ST6GALNAC5: variants seen among roughly 807,000 people sequenced by gnomAD.
ST6GALNAC5 encodes ST6 N-acetylgalactosaminide alpha-2,6-sialyltransferase 5, also known as alpha-N-acetylgalactosaminide alpha-2,6-sialyltransferase 5.
A neutral mutation model predicts 33.6 loss-of-function variants in ST6GALNAC5; 27 were observed. The ratio of observed to expected loss-of-function variants is 0.80; its 90% confidence interval spans 0.59 to 1.11. The LOEUF is 1.11. ST6GALNAC5 is among the 50% of genes least tolerant of loss of function. ST6GALNAC5 has a pLI of 0.00. For missense variants in ST6GALNAC5, 428 were observed against 454.0 expected (o/e 0.94, Z 0.52); for synonymous variants, 194 against 171.2 (o/e 1.13, Z -1.04).
At chr1:76,888,561 T>G (rs1043456950) in intron 2 of ST6GALNAC5, among the ~76,000 whole-genome samples, 3 of 152,190 alleles carry the variant, frequency 2.0e-5, no homozygotes, top group African/African-American at 7.2e-5. Flanking sequence ...ATTGGGATTT[T>G]TTCCCTATTA....
chr1:76,960,200 A>G (rs1179227187), intron 2 of ST6GALNAC5, among the ~76,000 whole-genome samples: 2 of 152,174 alleles, frequency 1.3e-5, no homozygotes. Flanking sequence ...TCTGAGAAAT[A>G]AAGGGACAGA....
chr1:76,914,913 A>C (rs1394833633), intron 2 of ST6GALNAC5, among the ~76,000 whole-genome samples: 1 of 152,076 alleles, frequency 6.6e-6, no homozygotes, highest in Non-Finnish European at 1.5e-5. Flanking sequence ...CAACCTACAA[A>C]ATGGGAGAAA....
chr1:77,052,938 A>T (rs926071280), intron 4 of ST6GALNAC5, among the ~76,000 whole-genome samples: 6 of 97,400 alleles, frequency 6.2e-5, no homozygotes, highest in African/African-American at 1.1e-4. Flanking sequence ...AAAAAAAAAA[A>T]ACAATTTTAA....
At chr1:76,933,897 G>A (rs1647170232) in intron 2 of ST6GALNAC5, among the ~76,000 whole-genome samples, 1 of 151,760 alleles carries the variant, frequency 6.6e-6, no homozygotes, top group African/African-American at 2.4e-5. Flanking sequence ...CTGGCAACAG[G>A]ACTCTCTCCT....
chr1:76,957,649 T>A (rs1349881079), intron 2 of ST6GALNAC5, among the ~76,000 whole-genome samples: 1 of 131,144 alleles, frequency 7.6e-6, no homozygotes, highest in African/African-American at 2.9e-5. Flanking sequence ...GTTAATCCAT[T>A]TGAAAGTACT....
chr1:77,054,305 C>G (rs1170759979), intron 4 of ST6GALNAC5, among the ~76,000 whole-genome samples: 1 of 152,182 alleles, frequency 6.6e-6, no homozygotes, highest in Non-Finnish European at 1.5e-5. Context: ...TCAGAGAAGT[C>G]CTTGCATTCC....
intron 2 of ST6GALNAC5, among the ~76,000 whole-genome samples, chr1:76,930,304 A>C (rs1364996497): frequency 6.6e-6 from 1 of 152,168 alleles, no homozygotes; most frequent in Non-Finnish European, 1.5e-5. Flanking sequence ...CATAGAGTGC[A>C]TACTCTTCAA....
intron 2 of ST6GALNAC5, among the ~76,000 whole-genome samples, chr1:76,912,577 C>T (rs1444891345): frequency 1.3e-5 from 2 of 151,546 alleles, no homozygotes; most frequent in East Asian, 3.9e-4. Flanking sequence ...TTGTAGGTCA[C>T]TCAGGACTTG....
intron 3 of ST6GALNAC5, among the ~76,000 whole-genome samples, chr1:77,048,792 T>G (rs970275165): frequency 6.6e-6 from 1 of 152,186 alleles, no homozygotes; most frequent in Non-Finnish European, 1.5e-5. Context: ...ACTTGGTGCT[T>G]TTCATACATG....
At chr1:77,059,005 CT>C (rs1652489249) in intron 4 of ST6GALNAC5, among the ~76,000 whole-genome samples, 1 of 152,234 alleles carries the variant, frequency 6.6e-6, no homozygotes, top group South Asian at 2.1e-4. Context: ...TCTCAAGGAG[CT>C]TTCCACCATT....
intron 2 of ST6GALNAC5, among the ~76,000 whole-genome samples, chr1:77,031,872 T>C (rs1651470575): frequency 6.6e-6 from 1 of 152,074 alleles, no homozygotes; most frequent in South Asian, 2.1e-4. Flanking sequence ...CCTTGCAACT[T>C]TGTAGGAAAG....
intron 2 of ST6GALNAC5, among the ~76,000 whole-genome samples, chr1:77,015,050 AACACACACAC>A (rs5775372): frequency 8.2e-6 from 1 of 122,502 alleles, no homozygotes; most frequent in Non-Finnish European, 1.7e-5. Context: ...CTCGCACACA[AACACACACAC>A]ACACACACAC....
intron 2 of ST6GALNAC5, among the ~76,000 whole-genome samples, chr1:76,937,918 C>T (rs926924279): frequency 2.0e-5 from 3 of 152,040 alleles, no homozygotes; most frequent in Admixed American, 6.6e-5. Context: ...ATCCCCTCAT[C>T]TCCTATCCAT....
intron 3 of ST6GALNAC5, among the ~76,000 whole-genome samples, chr1:77,046,151 A>C (rs1322333411): frequency 6.6e-6 from 1 of 152,206 alleles, no homozygotes; most frequent in African/African-American, 2.4e-5. Flanking sequence ...TTAGTGGTGC[A>C]TGCCTATAAT....
At chr1:76,989,636 C>A (rs1264458231) in intron 2 of ST6GALNAC5, among the ~76,000 whole-genome samples, 5 of 152,060 alleles carry the variant, frequency 3.3e-5, no homozygotes, top group African/African-American at 1.2e-4. Context: ...TGAGGCAGGA[C>A]CAGGTCAGCT....
chr1:76,897,133 A>G (rs1276238678), intron 2 of ST6GALNAC5, among the ~76,000 whole-genome samples: 1 of 141,030 alleles, frequency 7.1e-6, no homozygotes, highest in Non-Finnish European at 1.5e-5. Flanking sequence ...GCTGCCTGTG[A>G]AGCTTTGCGG....
At chr1:77,060,456 G>C (rs1652538510) in intron 4 of ST6GALNAC5, among the ~76,000 whole-genome samples, 1 of 152,094 alleles carries the variant, frequency 6.6e-6, no homozygotes, top group Non-Finnish European at 1.5e-5. Context: ...TTTCTAAATG[G>C]CATAGTGAAT....
At chr1:76,883,916 C>A (rs1438947770) in intron 2 of ST6GALNAC5, among the ~76,000 whole-genome samples, 1 of 152,098 alleles carries the variant, frequency 6.6e-6, no homozygotes, top group Non-Finnish European at 1.5e-5. Flanking sequence ...AATTTCAGTG[C>A]AGATTTGGAG....
intron 4 of ST6GALNAC5, among the ~76,000 whole-genome samples, chr1:77,051,380 G>C (rs1652212868): frequency 6.6e-6 from 1 of 152,116 alleles, no homozygotes; most frequent in South Asian, 2.1e-4. Context: ...GGAGAGAGAG[G>C]TACAGATAGA....
Sources: gnomAD v4.1 joint callset for allele counts (sites outside exome capture counted in the v4.1 genomes callset) on GRCh38, gnomAD v4.1.1 for gene constraint, MANE v1.5 for transcripts, NCBI Gene and HGNC (gene_info 2026-07-23, HGNC 2026-07-21) for gene names.